Variants in TMEM217B observed in about 807,000 individuals in gnomAD.
TMEM217B encodes the protein putative transmembrane protein 217B.
chr6:37,220,042 T>C, the TMEM217B span, among the ~76,000 whole-genome samples: 3 of 152,076 alleles, frequency 2.0e-5, no homozygotes, highest in Non-Finnish European at 4.4e-5. Flanking sequence ...ATGAGCTAAG[T>C]ATTCAACTCA....
chr6:37,224,316 T>C, the TMEM217B span, among the ~76,000 whole-genome samples: 1 of 150,942 alleles, frequency 6.6e-6, no homozygotes, highest in Non-Finnish European at 1.5e-5. Flanking sequence ...AAATTTTTTT[T>C]AGCTGGGTGC....
chr6:37,228,851 G>T, the TMEM217B span, among the ~76,000 whole-genome samples: 1 of 151,806 alleles, frequency 6.6e-6, no homozygotes, highest in Non-Finnish European at 1.5e-5. Context: ...CAAAAAATTA[G>T]CTGGGCGTGG....
At chr6:37,257,724 G>A in the TMEM217B span, 3 of 590,582 alleles carry the variant, frequency 5.1e-6, no homozygotes, top group African/African-American at 1.9e-5. Flanking sequence ...GCCCGTCCAC[G>A]GCTTGCGCAG....
the TMEM217B span, chr6:37,212,498 G>A: frequency 3.5e-5 from 16 of 456,702 alleles, no homozygotes; most frequent in South Asian, 7.7e-5. Flanking sequence ...CTGTGGCGGC[G>A]TTTCCTGCCC....
chr6:37,231,345 C>T, the TMEM217B span, among the ~76,000 whole-genome samples: 2 of 146,920 alleles, frequency 1.4e-5, no homozygotes, highest in Non-Finnish European at 3.0e-5. Flanking sequence ...GCTGGGATTA[C>T]AGGCGTGAGT....
chr6:37,237,408 C>T, the TMEM217B span, among the ~76,000 whole-genome samples: 2 of 152,204 alleles, frequency 1.3e-5, no homozygotes, highest in East Asian at 3.9e-4. Flanking sequence ...TATTGGTCAG[C>T]CTCTCTCTGG....
At chr6:37,253,619 T>C in the TMEM217B span, among the ~76,000 whole-genome samples, 3 of 152,194 alleles carry the variant, frequency 2.0e-5, no homozygotes, top group African/African-American at 7.2e-5. Flanking sequence ...GCACAGTGCA[T>C]TGTGAGGGCT....
chr6:37,227,807 T>A, the TMEM217B span, among the ~76,000 whole-genome samples: 2 of 151,864 alleles, frequency 1.3e-5, no homozygotes, highest in Non-Finnish European at 2.9e-5. Context: ...CTGACTTACA[T>A]GCTTACGTGA....
chr6:37,243,436 C>T, the TMEM217B span, among the ~76,000 whole-genome samples: 1 of 152,168 alleles, frequency 6.6e-6, no homozygotes, highest in South Asian at 2.1e-4. Flanking sequence ...AGTGTAATTG[C>T]CCAGTGGGTT....
At chr6:37,222,785 T>A in the TMEM217B span, among the ~76,000 whole-genome samples, 1 of 152,192 alleles carries the variant, frequency 6.6e-6, no homozygotes, top group Non-Finnish European at 1.5e-5. Context: ...GCGGCTGCAG[T>A]AGCACCCGGT....
the TMEM217B span, among the ~76,000 whole-genome samples, chr6:37,224,832 T>G: frequency 3.9e-5 from 6 of 151,934 alleles, no homozygotes; most frequent in East Asian, 1.2e-3. Context: ...CAAGCAAAAT[T>G]TAAGAATATA....
chr6:37,212,982 T>G, the TMEM217B span: 5 of 1,542,972 alleles, frequency 3.2e-6, 1 homozygote, highest in East Asian at 2.5e-5. Flanking sequence ...TATACTTGTT[T>G]TACCAGAGCA....
the TMEM217B span, among the ~76,000 whole-genome samples, chr6:37,246,621 G>A: frequency 3.3e-5 from 5 of 152,248 alleles, no homozygotes; most frequent in Admixed American, 6.5e-5. Context: ...ACATTTCTCA[G>A]GCTGGGCATG....
the TMEM217B span, among the ~76,000 whole-genome samples, chr6:37,229,342 T>TTG: frequency 7.2e-5 from 9 of 125,812 alleles, 1 homozygote; most frequent in African/African-American, 2.8e-4. Flanking sequence ...TCAGTTTTTT[T>TTG]TTTTTTTTTT....
At chr6:37,237,901 T>C in the TMEM217B span, among the ~76,000 whole-genome samples, 2 of 152,134 alleles carry the variant, frequency 1.3e-5, no homozygotes, top group African/African-American at 2.4e-5. Flanking sequence ...TGAAGGATAA[T>C]GAGCTCAGAA....
At chr6:37,257,733 AG>A in the TMEM217B span, 1 of 614,802 alleles carries the variant, frequency 1.6e-6, no homozygotes, top group African/African-American at 1.9e-5. Flanking sequence ...CGGCTTGCGC[AG>A]CTCACCAATG....
chr6:37,221,048 A>T, the TMEM217B span, among the ~76,000 whole-genome samples: 1 of 152,134 alleles, frequency 6.6e-6, no homozygotes, highest in Non-Finnish European at 1.5e-5. Context: ...AATCTCTAGA[A>T]CTTTTTCATC....
chr6:37,254,171 T>A, the TMEM217B span, among the ~76,000 whole-genome samples: 2 of 152,354 alleles, frequency 1.3e-5, no homozygotes, highest in South Asian at 4.1e-4. Context: ...TTCTGAGTTG[T>A]AGGCTCCACC....
At chr6:37,234,715 G>A in the TMEM217B span, among the ~76,000 whole-genome samples, 13 of 151,970 alleles carry the variant, frequency 8.6e-5, no homozygotes, top group African/African-American at 2.4e-4. Flanking sequence ...CAGCCTAGGC[G>A]ACAGAGTGAG....
Sources: allele counts gnomAD v4.1 joint callset (sites outside exome capture counted in the v4.1 genomes callset), GRCh38; gene constraint gnomAD v4.1.1; transcripts MANE v1.5; gene names NCBI Gene and HGNC (gene_info 2026-07-23, HGNC 2026-07-21).